The following SORCS2 variants were observed in gnomAD, a reference collection of about 807,000 sequenced individuals.
SORCS2 encodes the protein sortilin related VPS10 domain containing receptor 2, also known as VPS10 domain-containing receptor SorCS2.
A neutral mutation model predicts 141.6 loss-of-function variants in SORCS2; 100 were observed. The ratio of observed to expected loss-of-function variants is 0.71; its 90% confidence interval spans 0.60 to 0.83. SORCS2 has a LOEUF of 0.83. Among genes scored for constraint, SORCS2 ranks in the 40% least tolerant of loss-of-function variants. The probability of loss-of-function intolerance (pLI) is 0.00; values close to 1 mark genes in which losing one functional copy is unlikely to be tolerated. For synonymous variants in SORCS2, 789 were observed against 676.9 expected (o/e 1.17, Z -2.57); for missense variants, 1,646 against 1,560.2 (o/e 1.05, Z -0.93).
intron 4 of SORCS2, among the ~76,000 whole-genome samples, chr4:7,639,905 TTGTG>T (rs1370598424): frequency 8.3e-5 from 11 of 132,632 alleles, no homozygotes; most frequent in Admixed American, 2.4e-4. Context: ...GAAAGTGTGT[TTGTG>T]GGTGTGTGTG....
At chr4:7,716,542 T>A (rs1726202834) in intron 17 of SORCS2, among the ~76,000 whole-genome samples, 2 of 132,224 alleles carry the variant, frequency 1.5e-5, no homozygotes, top group Admixed American at 7.6e-5. Flanking sequence ...CATCTATTCA[T>A]TCACCATCCA....
chr4:7,485,284 C>G (rs1450066622), intron 2 of SORCS2, among the ~76,000 whole-genome samples: 1 of 152,250 alleles, frequency 6.6e-6, no homozygotes, highest in Admixed American at 6.5e-5. Flanking sequence ...GTCACTCAGA[C>G]TCCACATTAC....
intron 1 of SORCS2, among the ~76,000 whole-genome samples, chr4:7,335,731 T>C (rs1193840172): frequency 6.6e-6 from 1 of 152,228 alleles, no homozygotes; most frequent in Non-Finnish European, 1.5e-5. Flanking sequence ...TCCAGGAGGT[T>C]GAAGCTCAAG....
chr4:7,414,080 A>T (rs1195590862), intron 2 of SORCS2, among the ~76,000 whole-genome samples: 2 of 152,186 alleles, frequency 1.3e-5, no homozygotes, highest in Non-Finnish European at 2.9e-5. Flanking sequence ...TCTCCAGCTA[A>T]AGGAAAGCTC....
At chr4:7,400,104 C>T (rs996520966) in intron 2 of SORCS2, among the ~76,000 whole-genome samples, 3 of 152,114 alleles carry the variant, frequency 2.0e-5, no homozygotes, top group Non-Finnish European at 4.4e-5. Context: ...TTCCAGGGTA[C>T]TTGAAATAAC....
At chr4:7,293,965 A>T (rs929442522) in intron 1 of SORCS2, among the ~76,000 whole-genome samples, 1 of 152,174 alleles carries the variant, frequency 6.6e-6, no homozygotes, top group Admixed American at 6.5e-5. Context: ...GAGCATTTTG[A>T]TGTATCCAAA....
chr4:7,708,311 T>C (rs1560500394), intron 14 of SORCS2, among the ~76,000 whole-genome samples: 2 of 152,090 alleles, frequency 1.3e-5, no homozygotes, highest in Non-Finnish European at 1.5e-5. Flanking sequence ...CGGCTGGCCT[T>C]CCCAGGCCAT....
rs369659409 is a variant in SORCS2, at chr4:7,657,646, T to A, written c.887+3439T>A. ...CTGAATGAGTTAGTGAGTGAGTGAA[T>A]GAGTGACTGAGTGAATGAGTAATTA... On this transcript the variant is annotated intron_variant, in intron 5 of 26. Transcript: ENST00000507866. Among the ~76,000 whole-genome samples the A allele has an allele frequency of 8.5e-5, 13 of 152,252 alleles. No homozygotes were observed. The East Asian group carries it at 1.9e-3, about 23-fold the overall frequency.
At chr4:7,494,298 G>A (rs78623810) in intron 2 of SORCS2, among the ~76,000 whole-genome samples, 173 of 152,288 alleles carry the variant, frequency 1.1e-3, no homozygotes, top group African/African-American at 3.9e-3. Flanking sequence ...GTTTTATATC[G>A]GTGTGGTTTC....
At chr4:7,305,597 C>A (rs148409134) in intron 1 of SORCS2, among the ~76,000 whole-genome samples, 81 of 152,306 alleles carry the variant, frequency 5.3e-4, no homozygotes, top group African/African-American at 1.8e-3. Flanking sequence ...CCCCCAGCAT[C>A]TCAGGGGCTT....
intron 2 of SORCS2, among the ~76,000 whole-genome samples, chr4:7,400,504 G>GTTGAGGAT (rs1273385749): frequency 1.3e-5 from 2 of 151,952 alleles, no homozygotes; most frequent in Non-Finnish European, 2.9e-5. Flanking sequence ...ACATAGGCTG[G>GTTGAGGAT]TTGAGGATGC....
At chr4:7,560,718 A>T (rs1577750579) in intron 3 of SORCS2, among the ~76,000 whole-genome samples, 1 of 152,048 alleles carries the variant, frequency 6.6e-6, no homozygotes, top group Admixed American at 6.5e-5. Flanking sequence ...TTGTCTTCTT[A>T]CCCATCCTCA....
intron 3 of SORCS2, among the ~76,000 whole-genome samples, chr4:7,606,842 A>G (rs1045691770): frequency 2.0e-5 from 3 of 152,150 alleles, no homozygotes; most frequent in Non-Finnish European, 4.4e-5. Context: ...CGGGCAGGCA[A>G]TTTTTATAAT....
intron 5 of SORCS2, among the ~76,000 whole-genome samples, chr4:7,657,296 A>C (rs1255962124): frequency 1.3e-5 from 2 of 152,270 alleles, no homozygotes; most frequent in African/African-American, 4.8e-5. Flanking sequence ...GTGATGAGTT[A>C]GGTAATGAAT....
At position 7,520,971 on chromosome 4, in the gene SORCS2, A is replaced by G. The variant is rs998358421; in HGVS notation, c.549-10559A>G. On this transcript the variant is annotated intron_variant, in intron 2 of 26. Coordinates refer to ENST00000507866, the MANE Select transcript of SORCS2 (RefSeq NM_020777.3). ...TGCACGGATCAGGGGACAGCCTGGG[A>G]AGCTCAGAGAAGACAAGCCTGGAGC... Among the ~76,000 whole-genome samples the G allele has an allele frequency of 3.9e-5, 6 of 152,246 alleles. 1 individual carries two copies. The highest frequency in any genetic ancestry group is 1.3e-4 in the Admixed American group (2 of 15,288).
At chr4:7,659,258 C>T (rs1294624765) in intron 5 of SORCS2, among the ~76,000 whole-genome samples, 1 of 148,660 alleles carries the variant, frequency 6.7e-6, no homozygotes, top group Admixed American at 6.7e-5. Flanking sequence ...ACCAGGTCCT[C>T]ACTAAGGTTC....
chr4:7,474,359 G>A (rs1730159867), intron 2 of SORCS2, among the ~76,000 whole-genome samples: 1 of 152,200 alleles, frequency 6.6e-6, no homozygotes, highest in Admixed American at 6.5e-5. Flanking sequence ...TCTCTTTATG[G>A]CCTGATGGGC....
At chr4:7,390,305 CGAAAG>C (rs1723773179) in intron 1 of SORCS2, among the ~76,000 whole-genome samples, 1 of 152,154 alleles carries the variant, frequency 6.6e-6, no homozygotes, top group African/African-American at 2.4e-5. Flanking sequence ...CTTGAGCCTC[CGAAAG>C]GCAGCCATGT....
intron 4 of SORCS2, among the ~76,000 whole-genome samples, chr4:7,650,078 G>A (rs1721335011): frequency 6.6e-6 from 1 of 152,184 alleles, no homozygotes; most frequent in Non-Finnish European, 1.5e-5. Context: ...GACGGAAATT[G>A]CTGTGGTCAA....
Sources: allele counts gnomAD v4.1 joint callset (sites outside exome capture counted in the v4.1 genomes callset), GRCh38; gene constraint gnomAD v4.1.1; transcripts MANE v1.5; gene names NCBI Gene and HGNC (gene_info 2026-07-23, HGNC 2026-07-21).